The following ATP9B variants were observed in gnomAD, a reference collection of about 807,000 sequenced individuals.
The protein encoded by ATP9B is ATPase phospholipid transporting 9B, also known as probable phospholipid-transporting ATPase IIB.
In ATP9B, 110 loss-of-function variants were observed where a neutral mutation model predicts 146.1. That is an observed-to-expected ratio of 0.75 (90% CI 0.65 to 0.88). The LOEUF is 0.88. ATP9B is among the 40% of genes least tolerant of loss of function. The probability of loss-of-function intolerance (pLI) is 0.00; values close to 1 mark genes in which losing one functional copy is unlikely to be tolerated. For synonymous variants in ATP9B, 604 were observed against 569.7 expected, an observed-to-expected ratio of 1.06 and a Z score of -0.86; for missense variants, 1,499 against 1,496.4, an observed-to-expected ratio of 1.00 and a Z score of -0.03.
chr18:79,374,644 G>A (rs1182270475), intron 28 of ATP9B, among the ~76,000 whole-genome samples: 1 of 152,268 alleles, frequency 6.6e-6, no homozygotes, highest in Non-Finnish European at 1.5e-5. Context: ...AGCCGCGTGT[G>A]CACTTGTCCT....
chr18:79,102,070 C>G (rs1280217243), intron 2 of ATP9B, among the ~76,000 whole-genome samples: 1 of 152,090 alleles, frequency 6.6e-6, no homozygotes, highest in Non-Finnish European at 1.5e-5. Flanking sequence ...CTCAGCCTTT[C>G]GAGTAGCTGG....
At chr18:79,230,797 G>A (rs1471357121) in intron 11 of ATP9B, among the ~76,000 whole-genome samples, 1 of 152,066 alleles carries the variant, frequency 6.6e-6, no homozygotes. Flanking sequence ...AAATTGCACG[G>A]TACTGGTATA....
chr18:79,130,142 A>G (rs2147241056), intron 5 of ATP9B, among the ~76,000 whole-genome samples: 1 of 152,340 alleles, frequency 6.6e-6, no homozygotes, highest in East Asian at 1.9e-4. Flanking sequence ...GAGGAAAGCC[A>G]GACATCAGAC....
chr18:79,339,395 TG>T (rs2096845532), intron 19 of ATP9B, among the ~76,000 whole-genome samples: 1 of 148,986 alleles, frequency 6.7e-6, no homozygotes, highest in South Asian at 2.1e-4. Flanking sequence ...GAAGTGTGCA[TG>T]ATTGCAGTAG....
intron 7 of ATP9B, among the ~76,000 whole-genome samples, chr18:79,162,580 G>A (rs1428399687): frequency 6.6e-6 from 1 of 152,194 alleles, no homozygotes; most frequent in African/African-American, 2.4e-5. Context: ...TCTGTCACTT[G>A]TTAGTGGGAC....
chr18:79,184,826 C>A (rs977329359), intron 8 of ATP9B, among the ~76,000 whole-genome samples: 1 of 152,162 alleles, frequency 6.6e-6, no homozygotes, highest in African/African-American at 2.4e-5. Context: ...CTGCATCCTC[C>A]TCCTGAAGAA....
chr18:79,361,182 GTC>G (rs1292829749), intron 26 of ATP9B: 2 of 152,232 alleles, frequency 1.3e-5, no homozygotes, highest in African/African-American at 4.8e-5. Context: ...TCATAGGACT[GTC>G]ATGCCACAGC....
intron 1 of ATP9B, among the ~76,000 whole-genome samples, chr18:79,088,970 C>T (rs1003455918): frequency 7.9e-5 from 12 of 152,122 alleles, no homozygotes; most frequent in African/African-American, 2.7e-4. Context: ...TATCCAAGAC[C>T]GTTGGCCATA....
intron 15 of ATP9B, among the ~76,000 whole-genome samples, chr18:79,318,931 G>A (rs1251642273): frequency 6.6e-6 from 1 of 152,140 alleles, no homozygotes; most frequent in African/African-American, 2.4e-5. Context: ...CACTCTGGGT[G>A]GTGTGGTCTT....
intron 6 of ATP9B, among the ~76,000 whole-genome samples, chr18:79,148,797 TACATATAC>T (rs1350965755): frequency 2.0e-5 from 3 of 152,192 alleles, no homozygotes; most frequent in African/African-American, 7.2e-5. Flanking sequence ...TGTACATAAA[TACATATAC>T]ATATATGTTG....
chr18:79,315,414 G>C lies in ATP9B; in HGVS notation c.1773+8180G>C, dbSNP rs2096673851. 2.0e-5 allele frequency among the ~76,000 whole-genome samples: 3 copies of C among 152,122 alleles called. No individual in the cohort carries two copies. In the South Asian group the frequency reaches 6.2e-4, roughly 32 times the overall value. ...GCCTATCTGTGAATATTGATTAGCA[G>C]CTTTTTCAGATGATCAAATTGCATC... On this transcript the variant is annotated intron_variant, in intron 15 of 29. Transcript: ENST00000426216.
At chr18:79,190,545 CAT>C (rs57466722) in intron 8 of ATP9B, among the ~76,000 whole-genome samples, 5,305 of 97,074 alleles carry the variant, frequency 0.055, 225 homozygotes, top group East Asian at 0.32. Context: ...CACACACACA[CAT>C]ATACATATAT....
intron 11 of ATP9B, among the ~76,000 whole-genome samples, chr18:79,249,551 T>A (rs1430681357): frequency 6.6e-6 from 1 of 152,192 alleles, no homozygotes; most frequent in African/African-American, 2.4e-5. Context: ...GGTGAAAAGT[T>A]TACAGTCATG....
At chr18:79,306,956 T>C (rs752774678) in intron 14 of ATP9B, 30 bp from the exon 15 acceptor site, 30 of 1,611,592 alleles carry the variant, frequency 1.9e-5, no homozygotes, top group Non-Finnish European at 2.4e-5. Context: ...TTGCTCTATC[T>C]TTAATTATGT....
intron 25 of ATP9B, among the ~76,000 whole-genome samples, chr18:79,355,820 A>G (rs976878042): frequency 6.6e-6 from 1 of 152,212 alleles, no homozygotes; most frequent in African/African-American, 2.4e-5. Flanking sequence ...CACCAAGATA[A>G]TCATAATCAA....
intron 2 of ATP9B, among the ~76,000 whole-genome samples, chr18:79,101,855 G>T (rs1049623577): frequency 2.0e-5 from 3 of 152,008 alleles, no homozygotes; most frequent in Admixed American, 6.5e-5. Flanking sequence ...TTTTTTTCTT[G>T]TTGAATTTGG....
intron 1 of ATP9B, among the ~76,000 whole-genome samples, chr18:79,082,265 GTTC>G (rs2073347906): frequency 6.6e-6 from 1 of 152,152 alleles, no homozygotes; most frequent in Non-Finnish European, 1.5e-5. Context: ...GGTAATTTAT[GTTC>G]TTCTCTAAAC....
intron 10 of ATP9B, among the ~76,000 whole-genome samples, chr18:79,211,845 C>T (rs1050097125): frequency 4.6e-5 from 7 of 152,126 alleles, no homozygotes; most frequent in South Asian, 2.1e-4. Flanking sequence ...CCAGTTGGAG[C>T]GCGTTGTGAG....
intron 13 of ATP9B, among the ~76,000 whole-genome samples, chr18:79,278,387 T>C (rs2096337868): frequency 6.6e-6 from 1 of 152,180 alleles, no homozygotes; most frequent in African/African-American, 2.4e-5. Context: ...TCACTTTCAA[T>C]ACGGTGTTCA....
Sources: allele counts gnomAD v4.1 joint callset (sites outside exome capture counted in the v4.1 genomes callset), GRCh38; gene constraint gnomAD v4.1.1; transcripts MANE v1.5; gene names NCBI Gene and HGNC (gene_info 2026-07-23, HGNC 2026-07-21).